Variants in KIF7 observed in about 807,000 individuals in gnomAD.
KIF7 encodes the protein kinesin family member 7, also known as kinesin-like protein KIF7.
Under a neutral mutation model 135.7 loss-of-function variants are expected in KIF7, and 104 were observed. That is an observed-to-expected ratio of 0.77 (90% CI 0.65 to 0.90). The LOEUF (loss-of-function observed/expected upper bound fraction) is 0.90. KIF7 is among the 40% of genes least tolerant of loss of function. The pLI, the probability that KIF7 is intolerant of heterozygous loss-of-function variation, is 0.00. For missense variants in KIF7, 2,005 were observed against 1,839.1 expected (o/e 1.09, Z -1.65); for synonymous variants, 883 against 809.4 (o/e 1.09, Z -1.54).
At chr15:89,661,969 G>A in the KIF7 span, among the ~76,000 whole-genome samples, 8 of 152,204 alleles carry the variant, frequency 5.3e-5, no homozygotes, top group East Asian at 1.9e-4. Flanking sequence ...TCCTGACCTC[G>A]TGATCCGCCA....
intron 15 of KIF7, chr15:89,631,108 CTA>C: frequency 3.8e-6 from 1 of 260,728 alleles, no homozygotes. Flanking sequence ...CAGCACATGA[CTA>C]TAGTCACATA....
chr15:89,625,669 G>T (rs761742007), downstream of KIF7: 3 of 1,613,774 alleles, frequency 1.9e-6, no homozygotes, highest in Non-Finnish European at 2.5e-6. Flanking sequence ...TGACCGTGGA[G>T]CCAAAAGGAT....
At position 89,649,339 on chromosome 15, in the gene KIF7, C is replaced by T. The variant is rs958819012; in HGVS notation, c.558G>A (p.Val186=). The change falls in exon 4 of 19, where the codon GTG becomes GTA. Residue 186 remains valine (V), a synonymous_variant. Coordinates refer to ENST00000394412, the MANE Select transcript of KIF7 (RefSeq NM_198525.3). ...VVLCGVKEVD[V]EGLDEVLSLL... ...GGCTCAGCACCTCATCCAGGCCCTCCACGTCGACCTCCTTCACCCCGCACA... is the reference window on the plus strand; with the variant it reads ...GGCTCAGCACCTCATCCAGGCCCTCTACGTCGACCTCCTTCACCCCGCACA... 2.7e-6 allele frequency: 4 copies of T among 1,467,366 alleles called. No homozygotes were observed. The highest frequency in any genetic ancestry group is 2.5e-5 in the East Asian group (1 of 40,086). The allele number at this position is 1,467,366 out of a possible 1,614,324, so 90.9% of individuals were successfully genotyped here.
chr15:89,649,013 C>A lies in KIF7; in HGVS notation c.884G>T (p.Arg295Leu), dbSNP rs1257458364. The change falls in exon 4 of 19, where the codon CGG (arginine) becomes CTG (leucine). Residue 295 changes from arginine (R) to leucine (L), a missense_variant. Physicochemically the swap from Arg to Leu is moderately radical, Grantham distance 102. Transcript: ENST00000394412. ...VISALGDPQRRGSHIPYRDSK... is the reference protein window; with the variant it reads ...VISALGDPQRLGSHIPYRDSK... Reference sequence around the variant, plus strand: ...GTCGCGGTAGGGTATGTGGCTGCCCCGGCGCTGAGGGTCCCCCAGGGCGCT... The same window carrying A: ...GTCGCGGTAGGGTATGTGGCTGCCCAGGCGCTGAGGGTCCCCCAGGGCGCT... The A allele has an allele frequency of 2.6e-6, 4 of 1,547,460 alleles. No homozygotes were observed. The highest frequency in any genetic ancestry group is 1.2e-5 in the South Asian group (1 of 84,002).
chr15:89,650,186 T>C, intron 2 of KIF7: 1 of 550,840 alleles, frequency 1.8e-6, no homozygotes, highest in Non-Finnish European at 3.3e-6. Flanking sequence ...TTTCATGCTG[T>C]AAGCATCCCC....
At chr15:89,625,402 T>G, downstream of KIF7, 4 of 1,613,922 alleles carry the variant, frequency 2.5e-6, no homozygotes, top group Non-Finnish European at 3.4e-6. Context: ...TGGCGCCGGC[T>G]CCTCTTCCGG....
chr15:89,628,203 A>G lies in KIF7; in HGVS notation c.*216T>C, dbSNP rs1963574363. The G allele has an allele frequency of 5.3e-5, 28 of 528,996 alleles. No homozygotes were observed. In the East Asian group the frequency reaches 8.1e-4, roughly 15 times the overall value. 32.8% of individuals were successfully genotyped at this position (528,996 alleles called of 1,614,324 possible). ...GGCGGCAATTGGGTACCACAGCTTC[A>G]TGGAAGTAAGTGGTGGGAATTTGCA... On this transcript the variant is annotated 3_prime_UTR_variant, in exon 19 of 19. Transcript: ENST00000394412.
chr15:89,642,646 T>C (rs143339844), intron 10 of KIF7, among the ~76,000 whole-genome samples: 59 of 152,386 alleles, frequency 3.9e-4, no homozygotes, highest in Non-Finnish European at 7.1e-4. Context: ...CTTGGCTCAG[T>C]GCAACCTCCG....
chr15:89,658,783 G>A (rs951038585), upstream of KIF7, among the ~76,000 whole-genome samples: 4 of 151,618 alleles, frequency 2.6e-5, no homozygotes, highest in East Asian at 2.0e-4. Flanking sequence ...AGGATAGCTC[G>A]AGCCCGAGAG....
downstream of KIF7, among the ~76,000 whole-genome samples, chr15:89,623,255 G>C (rs898490022): frequency 6.6e-6 from 1 of 152,238 alleles, no homozygotes; most frequent in African/African-American, 2.4e-5. Flanking sequence ...GGTGGCTCCT[G>C]GAGGCTGCTT....
upstream of KIF7, among the ~76,000 whole-genome samples, chr15:89,658,699 C>A (rs1238851771): frequency 6.6e-6 from 1 of 151,244 alleles, no homozygotes; most frequent in Non-Finnish European, 1.5e-5. Context: ...CCCATCTCTA[C>A]AAAAAAATGC....
intron 1 of KIF7, among the ~76,000 whole-genome samples, chr15:89,622,909 G>C (rs1414310399): frequency 6.6e-6 from 1 of 152,172 alleles, no homozygotes; most frequent in African/African-American, 2.4e-5. Flanking sequence ...GTTCTGTGAT[G>C]CCCCTCGCAT....
chr15:89,628,983 G>A lies in KIF7; in HGVS notation c.3657C>T (p.His1219=). 2 of 1,613,838 alleles carry A rather than the reference G, an allele frequency of 1.2e-6. No homozygotes were observed. The highest frequency in any genetic ancestry group is 1.1e-5 in the South Asian group (1 of 91,060). The change falls in exon 18 of 19, where the codon CAC becomes CAT. Residue 1219 remains histidine, a synonymous_variant. Transcript: ENST00000394412. Reference sequence around the variant, plus strand: ...AGCGCGACGAGGAGTTACCCCTGCTGTGGCCTACAGCGTTCACACCGCCGA... The same window carrying A: ...AGCGCGACGAGGAGTTACCCCTGCTATGGCCTACAGCGTTCACACCGCCGA... ...QKLGGVNAVG[H]SRGGEKRSLC... is the part of the protein sequence containing the mutation.
At chr15:89,637,407 G>C (rs892337152) in intron 11 of KIF7, among the ~76,000 whole-genome samples, 29 of 151,362 alleles carry the variant, frequency 1.9e-4, no homozygotes, top group Middle Eastern at 3.4e-3. Flanking sequence ...TTTTTGAAAG[G>C]ATCAACAAAA....
chr15:89,624,921 G>C (rs143738923), downstream of KIF7: 2 of 1,613,916 alleles, frequency 1.2e-6, no homozygotes, highest in Admixed American at 3.3e-5. Context: ...GCCAGGCTTC[G>C]GCACAACTAG....
intron 14 of KIF7, 99 bp downstream of exon 14, chr15:89,632,721 G>A (rs1285855512): frequency 7.4e-7 from 1 of 1,347,292 alleles, no homozygotes; most frequent in Non-Finnish European, 1.0e-6. Context: ...TCACCTGGCA[G>A]AAACTTACTT....
At chr15:89,645,810 G>T (rs1372171060) in intron 8 of KIF7, 83 bp downstream of exon 8, 1 of 1,530,078 alleles carries the variant, frequency 6.5e-7, no homozygotes, top group Admixed American at 1.9e-5. Flanking sequence ...GCTGTCAGGA[G>T]AGGAGACGGT....
downstream of KIF7, chr15:89,626,860 T>G: frequency 7.4e-7 from 1 of 1,359,318 alleles, no homozygotes; most frequent in Non-Finnish European, 1.0e-6. Context: ...TTTCTTAAAG[T>G]CTGTTTTTGT....
chr15:89,631,136 C>G (rs1223336822), intron 15 of KIF7: 6 of 291,168 alleles, frequency 2.1e-5, no homozygotes, highest in Non-Finnish European at 3.9e-5. Flanking sequence ...TCTCTCTGCT[C>G]AGGGAACACA....
Sources: gnomAD v4.1 joint callset for allele counts (sites outside exome capture counted in the v4.1 genomes callset) on GRCh38, gnomAD v4.1.1 for gene constraint, MANE v1.5 for transcripts, NCBI Gene and HGNC (gene_info 2026-07-23, HGNC 2026-07-21) for gene names.